VWA8: variants seen among roughly 807,000 people sequenced by gnomAD.
The protein encoded by VWA8 is von Willebrand factor A domain-containing protein 8.
In VWA8, 221 loss-of-function variants were observed where a neutral mutation model predicts 241.5. That is an observed-to-expected ratio of 0.91 (90% CI 0.82 to 1.02). The LOEUF (loss-of-function observed/expected upper bound fraction) is 1.02, where lower values mean the gene tolerates loss of function less well. Among genes scored for constraint, VWA8 ranks in the 50% least tolerant of loss-of-function variants. VWA8 has a pLI of 0.00. For missense variants in VWA8, 2,322 were observed against 2,328.7 expected, an observed-to-expected ratio of 1.00 and a Z score of 0.06; for synonymous variants, 852 against 827.1, an observed-to-expected ratio of 1.03 and a Z score of -0.52.
chr13:41,852,009 T>G (rs1872548460), intron 12 of VWA8, among the ~76,000 whole-genome samples: 2 of 152,222 alleles, frequency 1.3e-5, no homozygotes, highest in Non-Finnish European at 2.9e-5. Flanking sequence ...CCCTCCATAC[T>G]ATTTTCTATA....
At chr13:41,946,474 C>T (rs1042198331) in intron 2 of VWA8, among the ~76,000 whole-genome samples, 8 of 152,016 alleles carry the variant, frequency 5.3e-5, no homozygotes, top group African/African-American at 1.9e-4. Context: ...TGCTGATAAA[C>T]TTTTAATGTA....
intron 1 of VWA8, 118 bp downstream of exon 1, chr13:41,960,735 G>T (rs1285599710): frequency 1.5e-6 from 2 of 1,348,742 alleles, no homozygotes; most frequent in East Asian, 3.1e-5. Context: ...TCAGCTCCCC[G>T]CTCGGCAAAC....
chr13:41,570,751 CTTT>C lies in VWA8; in HGVS notation c.5371-48_5371-46del, dbSNP rs752189739. 1.9e-6 allele frequency: 3 copies of C among 1,546,918 alleles called. No individual in the cohort carries two copies. In the Admixed American group the frequency reaches 5.2e-5, roughly 27 times the overall value. On this transcript the variant is annotated intron_variant, in intron 43 of 44. Coordinates refer to ENST00000379310, the MANE Select transcript of VWA8 (RefSeq NM_015058.2). Reference sequence around the variant, plus strand: ...CACAAAAGCCATGGCTGAGAAACTTCTTTTTTAACAAATACGATTATTTTTCTA... The same window carrying C: ...CACAAAAGCCATGGCTGAGAAACTTCTTTAACAAATACGATTATTTTTCTA...
At position 41,907,638 on chromosome 13, in the gene VWA8, T is replaced by A. The variant is rs1278182059; in HGVS notation, c.431A>T (p.Asp144Val). 1 of 1,614,178 alleles carries A rather than the reference T, an allele frequency of 6.2e-7. No individual in the cohort carries two copies. Among genetic ancestry groups the A allele is most frequent in the Non-Finnish European group, 8.5e-7 (1 of 1,180,010 alleles). ...IALSRDTTET[D>V]LKQRREIRAG... Reference sequence around the variant, plus strand: ...ACGGATCTCTCGTCGCTGTTTGAGATCAGTTTCAGTGGTGTCCCTTGACAG... The same window carrying A: ...ACGGATCTCTCGTCGCTGTTTGAGAACAGTTTCAGTGGTGTCCCTTGACAG... The change falls in exon 4 of 45, where the codon GAT becomes GTT. Residue 144 changes from aspartate to valine, a missense_variant. Physicochemically the swap from Asp to Val is radical, Grantham distance 152 (BLOSUM62 -3). Coordinates refer to ENST00000379310, the MANE Select transcript of VWA8 (RefSeq NM_015058.2).
chr13:41,713,090 C>G (rs2045328397), intron 26 of VWA8, among the ~76,000 whole-genome samples: 1 of 152,158 alleles, frequency 6.6e-6, no homozygotes, highest in South Asian at 2.1e-4. Flanking sequence ...GGCAAAAGTG[C>G]CAATGTTCTG....
intron 21 of VWA8, among the ~76,000 whole-genome samples, chr13:41,755,596 T>C (rs530610777): frequency 6.6e-6 from 1 of 151,986 alleles, no homozygotes; most frequent in South Asian, 2.1e-4. Context: ...ATCAGCAGCA[T>C]GCAACTCTTT....
intron 2 of VWA8, among the ~76,000 whole-genome samples, chr13:41,916,704 T>G (rs1328422969): frequency 6.6e-6 from 1 of 152,178 alleles, no homozygotes; most frequent in Non-Finnish European, 1.5e-5. Flanking sequence ...CTGTGGTATA[T>G]TTTACATTAA....
chr13:41,613,314 G>A (rs1343975007), intron 38 of VWA8, among the ~76,000 whole-genome samples: 1 of 152,172 alleles, frequency 6.6e-6, no homozygotes, highest in Non-Finnish European at 1.5e-5. Flanking sequence ...AGAAATGGGT[G>A]GTGGAAAATT....
intron 37 of VWA8, among the ~76,000 whole-genome samples, chr13:41,638,251 G>A (rs991827899): frequency 4.6e-5 from 7 of 152,136 alleles, no homozygotes; most frequent in East Asian, 3.8e-4. Context: ...AACATATGAT[G>A]CATTAAAGAA....
At chr13:41,841,571 G>A (rs1872003408) in intron 12 of VWA8, among the ~76,000 whole-genome samples, 1 of 150,928 alleles carries the variant, frequency 6.6e-6, no homozygotes, top group Non-Finnish European at 1.5e-5. Context: ...TGGATCACGA[G>A]GTCAGGAGAT....
At chr13:41,572,762 TCTC>T (rs1298473050) in intron 43 of VWA8, among the ~76,000 whole-genome samples, 1 of 102,938 alleles carries the variant, frequency 9.7e-6, no homozygotes, top group Non-Finnish European at 1.9e-5. Flanking sequence ...CAAATCCCCC[TCTC>T]CGAGAAACAC....
At chr13:41,933,963 A>T (rs1405730830) in intron 2 of VWA8, among the ~76,000 whole-genome samples, 1 of 151,990 alleles carries the variant, frequency 6.6e-6, no homozygotes, top group Non-Finnish European at 1.5e-5. Context: ...GTAAAAACTT[A>T]GTAAGTTGGA....
chr13:41,759,231 T>C (rs1281876161), intron 21 of VWA8, among the ~76,000 whole-genome samples: 1 of 151,494 alleles, frequency 6.6e-6, no homozygotes, highest in East Asian at 1.9e-4. Flanking sequence ...TATACTGATA[T>C]TTTTTTTCTT....
chr13:41,882,182 G>A (rs763516134), intron 9 of VWA8, among the ~76,000 whole-genome samples: 2 of 150,810 alleles, frequency 1.3e-5, no homozygotes, highest in South Asian at 2.1e-4. Context: ...CAGGGCAGAG[G>A]CTCTCCCCAC....
intron 17 of VWA8, among the ~76,000 whole-genome samples, chr13:41,788,225 C>T (rs537256141): frequency 9.2e-5 from 14 of 152,252 alleles, no homozygotes; most frequent in African/African-American, 3.4e-4. Context: ...TCCATGGTAC[C>T]CATGGTTTAA....
intron 37 of VWA8, among the ~76,000 whole-genome samples, chr13:41,663,696 CT>C (rs1047538420): frequency 6.6e-5 from 10 of 151,880 alleles, no homozygotes; most frequent in African/African-American, 9.7e-5. Context: ...CTCATTCCCC[CT>C]AATAAAGTGC....
chr13:41,777,740 A>T (rs1868672090), intron 20 of VWA8, among the ~76,000 whole-genome samples: 1 of 152,216 alleles, frequency 6.6e-6, no homozygotes, highest in Non-Finnish European at 1.5e-5. Flanking sequence ...CTAGAGTGAC[A>T]GATGTGGACA....
chr13:41,652,103 C>T (rs2044873007), intron 37 of VWA8, among the ~76,000 whole-genome samples: 1 of 152,196 alleles, frequency 6.6e-6, no homozygotes, highest in African/African-American at 2.4e-5. Context: ...TAGTGACTGC[C>T]TTCCTATATG....
At chr13:41,806,711 G>GA (rs1347996490) in intron 17 of VWA8, among the ~76,000 whole-genome samples, 9 of 150,606 alleles carry the variant, frequency 6.0e-5, no homozygotes, top group Admixed American at 2.0e-4. Flanking sequence ...TCAAAAAAAA[G>GA]AAAAAAAACT....
Sources: allele counts gnomAD v4.1 joint callset (sites outside exome capture counted in the v4.1 genomes callset), GRCh38; gene constraint gnomAD v4.1.1; transcripts MANE v1.5; gene names NCBI Gene and HGNC (gene_info 2026-07-23, HGNC 2026-07-21).